Variants in ACVR1C observed in about 807,000 individuals in gnomAD.
The protein encoded by ACVR1C is activin receptor type-1C.
In ACVR1C, 23 loss-of-function variants were observed where a neutral mutation model predicts 57.9. The observed-to-expected ratio is 0.40, with a 90% CI of 0.29 to 0.56. ACVR1C has a LOEUF of 0.56. ACVR1C is among the 20% of genes least tolerant of loss of function. The probability of loss-of-function intolerance (pLI) is 0.50; values close to 1 mark genes in which losing one functional copy is unlikely to be tolerated. For missense variants in ACVR1C, 480 were observed against 607.9 expected (o/e 0.79, Z 2.21); for synonymous variants, 214 against 215.3 (o/e 0.99, Z 0.05).
chr2:157,590,307 A>C (rs1338870764), intron 1 of ACVR1C, among the ~76,000 whole-genome samples: 1 of 151,892 alleles, frequency 6.6e-6, no homozygotes, highest in Admixed American at 6.6e-5. Flanking sequence ...CTCAAATTGG[A>C]GTTGCTTTTG....
intron 2 of ACVR1C, 59 bp from the exon 3 acceptor site, chr2:157,556,391 A>C (rs1688101244): frequency 6.3e-7 from 1 of 1,591,728 alleles, no homozygotes; most frequent in Admixed American, 1.7e-5. Context: ...GTATTTTTGG[A>C]ATTGGAATTG....
At chr2:157,549,829 CAAAAAAAAAAA>C (rs1173469291) in intron 4 of ACVR1C, among the ~76,000 whole-genome samples, 4 of 47,546 alleles carry the variant, frequency 8.4e-5, no homozygotes, top group African/African-American at 2.1e-4. Context: ...ACTAAAAATA[CAAAAAAAAAAA>C]AAAAAAAAAA....
intron 7 of ACVR1C, 105 bp from the exon 8 acceptor site, chr2:157,538,808 G>A (rs1687549044): frequency 1.1e-6 from 1 of 892,990 alleles, no homozygotes; most frequent in Admixed American, 3.9e-5. Context: ...ACACCCCAGG[G>A]AACTGGAAAG....
intron 2 of ACVR1C, among the ~76,000 whole-genome samples, chr2:157,577,998 G>A (rs1381036752): frequency 1.3e-5 from 2 of 152,108 alleles, no homozygotes; most frequent in Non-Finnish European, 2.9e-5. Flanking sequence ...GACTTCCTGG[G>A]CTCAAGCAAC....
chr2:157,600,246 T>C (rs1044820235), intron 1 of ACVR1C, among the ~76,000 whole-genome samples: 1 of 152,190 alleles, frequency 6.6e-6, no homozygotes, highest in Non-Finnish European at 1.5e-5. Flanking sequence ...GTTTTCAGTC[T>C]CTATTAAAGT....
chr2:157,565,866 T>C (rs1688357421), intron 2 of ACVR1C, among the ~76,000 whole-genome samples: 1 of 152,214 alleles, frequency 6.6e-6, no homozygotes, highest in Non-Finnish European at 1.5e-5. Context: ...AATCTTCTTT[T>C]ATCCATTAGC....
At chr2:157,551,844 C>T (rs1047828116) in intron 3 of ACVR1C, among the ~76,000 whole-genome samples, 6 of 152,162 alleles carry the variant, frequency 3.9e-5, no homozygotes, top group African/African-American at 1.2e-4. Flanking sequence ...CACATGTTCT[C>T]ATATGGACAT....
At position 157,531,031 on chromosome 2, in the gene ACVR1C, G is replaced by A. The variant is rs2105195202; in HGVS notation, c.*2887C>T. On this transcript the variant is annotated 3_prime_UTR_variant, in exon 9 of 9. Transcript: ENST00000243349. ...CCCAAAGCCAAAATATCTGTAAGGAGTAAAGAACACTGATACTCTGAACAT... is the reference window on the plus strand; with the variant it reads ...CCCAAAGCCAAAATATCTGTAAGGAATAAAGAACACTGATACTCTGAACAT... 6.6e-6 allele frequency: 1 copy of A among 150,956 alleles called. No individual in the cohort carries two copies. Among genetic ancestry groups the A allele is most frequent in the East Asian group, 1.9e-4 (1 of 5,142 alleles). The allele number at this position is 150,956 out of a possible 1,614,324, so 9.4% of individuals were successfully genotyped here.
rs1457553628 is a variant in ACVR1C, at chr2:157,554,287, G to GGAAA, written c.544+1805_544+1806insTTTC. Among the ~76,000 whole-genome samples the GGAAA allele has an allele frequency of 2.3e-3, 294 of 126,170 alleles. 10 individuals carry two copies. The highest frequency in any genetic ancestry group is 0.01 in the African/African-American group (276 of 27,492). 82.8% of individuals were successfully genotyped at this position (126,170 alleles called of 152,430 possible). A position where few individuals can be genotyped will look rare whatever the true frequency, so the allele number is the denominator to read the frequency against. ...AGAAAGAAAGGAAGGAAGGAAGAGA[G>GGAAA]AGAGAGAGAGAAAGAAAGAAAGGAA... On this transcript the variant is annotated intron_variant, in intron 3 of 8. Transcript: ENST00000243349.
intron 1 of ACVR1C, among the ~76,000 whole-genome samples, chr2:157,628,233 G>T (rs1291654670): frequency 6.6e-6 from 1 of 152,116 alleles, no homozygotes; most frequent in Non-Finnish European, 1.5e-5. Flanking sequence ...TCCCAGCCAT[G>T]CGCGCACCCA....
chr2:157,545,602 A>G (rs1488614051), intron 4 of ACVR1C, among the ~76,000 whole-genome samples: 1 of 152,202 alleles, frequency 6.6e-6, no homozygotes, highest in Non-Finnish European at 1.5e-5. Flanking sequence ...GAAACTGTCA[A>G]TGTTGCAAAA....
Position 157,528,672 on chromosome 2 carries a change from G to T in ACVR1C, c.*5246C>A, listed in dbSNP as rs1687288289. ...ATAAATTTAACAATCACATTATGGG[G>T]CATATATTTCAAATTGTCTTTCCCA... On this transcript the variant is annotated 3_prime_UTR_variant, in exon 9 of 9. Transcript: ENST00000243349. 6.6e-6 allele frequency: 1 copy of T among 152,100 alleles called. No individual in the cohort carries two copies. The highest frequency in any genetic ancestry group is 1.5e-5 in the Non-Finnish European group (1 of 67,998). 9.4% of individuals were successfully genotyped at this position (152,100 alleles called of 1,614,324 possible). A position where few individuals can be genotyped will look rare whatever the true frequency, so the allele number is the denominator to read the frequency against.
In ACVR1C at chr2:157,527,987, C is replaced by G. The variant is rs1451201331; in HGVS notation, c.*5931G>C. 6.6e-6 allele frequency: 1 copy of G among 152,118 alleles called. No homozygotes were observed. The highest frequency in any genetic ancestry group is 6.6e-5 in the Admixed American group (1 of 15,246). The allele number at this position is 152,118 out of a possible 1,614,324, so 9.4% of individuals were successfully genotyped here. ...ATGATAAACAATCAATTTCTCTTCT[C>G]TCAGGAATGCCAGGATGAAAAGATA... is the stretch of plus-strand genomic sequence containing the variant. On this transcript the variant is annotated 3_prime_UTR_variant, in exon 9 of 9. Coordinates refer to ENST00000243349, the MANE Select transcript of ACVR1C (RefSeq NM_145259.3).
intron 2 of ACVR1C, among the ~76,000 whole-genome samples, chr2:157,577,690 T>C (rs1015561455): frequency 6.6e-6 from 1 of 152,204 alleles, no homozygotes; most frequent in African/African-American, 2.4e-5. Context: ...TTGAATTTGT[T>C]TTCTACACTC....
rs529497756 is a variant in ACVR1C at position 157,537,018 on chromosome 2, G to A, written c.1356+1555C>T. Among the ~76,000 whole-genome samples the A allele has an allele frequency of 3.9e-5, 6 of 152,146 alleles. No individual in the cohort carries two copies. The South Asian group carries it at 1.0e-3, about 26-fold the overall frequency. On this transcript the variant is annotated intron_variant, in intron 8 of 8. Transcript: ENST00000243349. Reference sequence around the variant, plus strand: ...ATATAGCACATGCTTCTATTGTATGGAATACTACACAGCAATGAAAATGGA... The same window carrying A: ...ATATAGCACATGCTTCTATTGTATGAAATACTACACAGCAATGAAAATGGA...
rs1401091947 is a variant in ACVR1C, at chr2:157,527,847, T to A, written c.*6071A>T. 1 of 152,186 alleles carries A rather than the reference T, an allele frequency of 6.6e-6. No homozygotes were observed. Among genetic ancestry groups the A allele is most frequent in the East Asian group, 1.9e-4 (1 of 5,194 alleles). The allele number at this position is 152,186 out of a possible 1,614,324, so 9.4% of individuals were successfully genotyped here. On this transcript the variant is annotated 3_prime_UTR_variant, in exon 9 of 9. Transcript: ENST00000243349. ...AAATTTAGGCACACAATCCTCTCTT[T>A]ACAGGCAAAGTCAGTAATTAGCTCC...
At chr2:157,623,823 T>C (rs2105160899) in intron 1 of ACVR1C, among the ~76,000 whole-genome samples, 1 of 152,260 alleles carries the variant, frequency 6.6e-6, no homozygotes, top group East Asian at 1.9e-4. Flanking sequence ...TATTTCACAC[T>C]GCATGCCTGT....
chr2:157,597,759 T>C (rs1682170961), intron 1 of ACVR1C, among the ~76,000 whole-genome samples: 1 of 152,194 alleles, frequency 6.6e-6, no homozygotes, highest in Admixed American at 6.5e-5. Context: ...AATTTTAAAA[T>C]AAAATGCCTT....
chr2:157,613,552 T>A (rs1262990537), intron 1 of ACVR1C, among the ~76,000 whole-genome samples: 1 of 152,224 alleles, frequency 6.6e-6, no homozygotes, highest in African/African-American at 2.4e-5. Flanking sequence ...CATTTAGGTT[T>A]ACTTTAAATT....
Sources: gnomAD v4.1 joint callset for allele counts (sites outside exome capture counted in the v4.1 genomes callset) on GRCh38, gnomAD v4.1.1 for gene constraint, MANE v1.5 for transcripts, NCBI Gene and HGNC (gene_info 2026-07-23, HGNC 2026-07-21) for gene names.